The following RSF1 variants were observed in gnomAD, a reference collection of about 807,000 sequenced individuals.
RSF1 encodes remodeling and spacing factor 1, also known as HBV pX-associated protein 8.
In RSF1, 13 loss-of-function variants were observed where a neutral mutation model predicts 145.2. The observed-to-expected ratio is 0.09, with a 90% CI of 0.06 to 0.14. RSF1 has a LOEUF of 0.14. Ranked by LOEUF, RSF1 falls within the 10% of genes least tolerant of loss-of-function variation. The pLI is 1.00. For synonymous variants in RSF1, 577 were observed against 592.6 expected, an observed-to-expected ratio of 0.97 and a Z score of 0.38; for missense variants, 1,517 against 1,718.2, an observed-to-expected ratio of 0.88 and a Z score of 2.07.
intron 7 of RSF1, 97 bp from the exon 8 acceptor site, chr11:77,693,708 G>A (rs772084822): frequency 6.4e-5 from 38 of 596,512 alleles, no homozygotes; most frequent in African/African-American, 1.1e-4. Flanking sequence ...ATACTGCAAA[G>A]CACTCTATTT....
At chr11:77,824,497 C>T (rs1949078298), upstream of RSF1, among the ~76,000 whole-genome samples, 1 of 152,078 alleles carries the variant, frequency 6.6e-6, no homozygotes, top group African/African-American at 2.4e-5. Flanking sequence ...TCAAAAACAA[C>T]ACAAATATTC....
At chr11:77,703,919 T>C (rs1162408432) in intron 5 of RSF1, among the ~76,000 whole-genome samples, 2 of 152,246 alleles carry the variant, frequency 1.3e-5, no homozygotes, top group Admixed American at 6.5e-5. Context: ...TTCTCATTTA[T>C]TGAGATTAGC....
In RSF1 at chr11:77,697,449, TAA is replaced by T. The variant is rs1371955095; in HGVS notation, c.2715+1036_2715+1037del. ...ATGAACTGCAAATTATATATATATA[TAA>T]ATATATTATATAAAATATATTTATA... On this transcript the variant is annotated intron_variant, in intron 7 of 15. Transcript: ENST00000308488. Among the ~76,000 whole-genome samples, 3 of 28,868 alleles carry T rather than the reference TAA, an allele frequency of 1.0e-4. No homozygotes were observed. The East Asian group carries it at 2.4e-3, about 23-fold the overall frequency. 18.9% of individuals were successfully genotyped at this position (28,868 alleles called of 152,430 possible).
At chr11:77,733,642 G>A (rs1400442654) in intron 4 of RSF1, among the ~76,000 whole-genome samples, 2 of 149,252 alleles carry the variant, frequency 1.3e-5, no homozygotes, top group Non-Finnish European at 3.0e-5. Context: ...GTTCACTGCA[G>A]CCTCAAGCTC....
the RSF1 span, among the ~76,000 whole-genome samples, chr11:77,870,263 T>A: frequency 4.0e-5 from 6 of 150,836 alleles, no homozygotes; most frequent in African/African-American, 1.5e-4. Context: ...TCAAATGATC[T>A]CCCGCCTCGG....
At chr11:77,684,988 G>GAAAA (rs1959966084) in intron 10 of RSF1, 117 bp downstream of exon 10, 1 of 454,424 alleles carries the variant, frequency 2.2e-6, no homozygotes, top group Non-Finnish European at 3.6e-6. Context: ...ACTCCATCTC[G>GAAAA]AAATAAATAA....
chr11:77,733,770 T>TA (rs1427253460), intron 4 of RSF1, among the ~76,000 whole-genome samples: 1 of 152,096 alleles, frequency 6.6e-6, no homozygotes, highest in African/African-American at 2.4e-5. Flanking sequence ...TCAAGTTGCC[T>TA]AGGCAGGTCT....
At chr11:77,752,895 C>T (rs966236575) in intron 2 of RSF1, among the ~76,000 whole-genome samples, 1 of 152,130 alleles carries the variant, frequency 6.6e-6, no homozygotes, top group Non-Finnish European at 1.5e-5. Flanking sequence ...CCCAAACCCC[C>T]CAAAACCAGG....
chr11:77,719,709 A>C (rs1488324156), intron 5 of RSF1, among the ~76,000 whole-genome samples: 3 of 152,254 alleles, frequency 2.0e-5, no homozygotes, highest in Non-Finnish European at 4.4e-5. Flanking sequence ...CCATCAAGTG[A>C]ACAGATAAAT....
At chr11:77,834,086 T>G in the RSF1 span, among the ~76,000 whole-genome samples, 2 of 152,244 alleles carry the variant, frequency 1.3e-5, no homozygotes, top group African/African-American at 4.8e-5. Flanking sequence ...TGTCTGTTTT[T>G]TATGGTGCTT....
chr11:77,810,511 C>T (rs765283928), intron 1 of RSF1, among the ~76,000 whole-genome samples: 1 of 152,186 alleles, frequency 6.6e-6, no homozygotes, highest in Non-Finnish European at 1.5e-5. Flanking sequence ...GTTTCATTCA[C>T]AGGACATTCT....
intron 4 of RSF1, chr11:77,735,080 C>A: frequency 9.6e-7 from 1 of 1,043,918 alleles, no homozygotes; most frequent in Non-Finnish European, 1.4e-6. Context: ...GGCGCTGGGG[C>A]GGCGGCAGGG....
At chr11:77,747,666 T>C (rs1037837177) in intron 2 of RSF1, among the ~76,000 whole-genome samples, 2 of 152,188 alleles carry the variant, frequency 1.3e-5, no homozygotes, top group Admixed American at 1.3e-4. Flanking sequence ...ACACAAGCAT[T>C]TCAGGCAAAC....
rs1251910001 is a variant in RSF1 at position 77,661,546 on chromosome 11, T to C, written c.*5371A>G. ...AGGCTTGTCCACATAGCAGTTGACA[T>C]GCACCAATTCTGCTAAAGGGCAGGA... On this transcript the variant is annotated 3_prime_UTR_variant, in exon 16 of 16. Coordinates refer to ENST00000308488, the MANE Select transcript of RSF1 (RefSeq NM_016578.4). 2 of 151,958 alleles carry C rather than the reference T, an allele frequency of 1.3e-5. No homozygotes were observed. Among genetic ancestry groups the C allele is most frequent in the Admixed American group, 1.3e-4 (2 of 15,218 alleles). The allele number at this position is 151,958 out of a possible 1,614,324, so 9.4% of individuals were successfully genotyped here. A position where few individuals can be genotyped will look rare whatever the true frequency, so the allele number is the denominator to read the frequency against.
chr11:77,699,367 T>C (rs1213863862), intron 6 of RSF1, among the ~76,000 whole-genome samples: 6 of 152,124 alleles, frequency 3.9e-5, no homozygotes, highest in Admixed American at 3.9e-4. Context: ...TTTTAGTTTA[T>C]TCCTACACTA....
intron 4 of RSF1, among the ~76,000 whole-genome samples, chr11:77,733,870 T>G (rs1247758923): frequency 6.6e-6 from 1 of 152,258 alleles, no homozygotes; most frequent in Non-Finnish European, 1.5e-5. Flanking sequence ...CCCATCTTTT[T>G]CATTCCTAAA....
At chr11:77,699,833 G>A (rs533949504) in intron 6 of RSF1, among the ~76,000 whole-genome samples, 1 of 152,216 alleles carries the variant, frequency 6.6e-6, no homozygotes, top group African/African-American at 2.4e-5. Flanking sequence ...TGAAAAATTG[G>A]AAACAACCTA....
At chr11:77,747,220 T>C in intron 2 of RSF1, 92 bp from the exon 3 acceptor site, 1 of 757,498 alleles carries the variant, frequency 1.3e-6, no homozygotes, top group Non-Finnish European at 2.3e-6. Context: ...TTAATACATG[T>C]TTATAAAGGA....
chr11:77,790,231 A>G (rs1187980592), intron 1 of RSF1, among the ~76,000 whole-genome samples: 1 of 152,162 alleles, frequency 6.6e-6, no homozygotes, highest in East Asian at 1.9e-4. Flanking sequence ...GGCAAGGAGG[A>G]GCAAGTCACA....
Sources: gnomAD v4.1 joint callset for allele counts (sites outside exome capture counted in the v4.1 genomes callset) on GRCh38, gnomAD v4.1.1 for gene constraint, MANE v1.5 for transcripts, NCBI Gene and HGNC (gene_info 2026-07-23, HGNC 2026-07-21) for gene names.